The following RANBP2 variants were observed in gnomAD, a reference collection of about 807,000 sequenced individuals.
RANBP2 encodes the protein RAN binding protein 2, also known as E3 SUMO-protein ligase RanBP2.
In RANBP2, 57 loss-of-function variants were observed where a neutral mutation model predicts 303.6. The ratio of observed to expected loss-of-function variants is 0.19; its 90% CI spans 0.15 to 0.23. The LOEUF is 0.23. RANBP2 is among the 10% of genes least tolerant of loss of function. The pLI is 1.00. For synonymous variants in RANBP2, 1,167 were observed against 1,301.5 expected (o/e 0.90, Z 2.23); for missense variants, 3,138 against 3,780.8 (o/e 0.83, Z 4.46).
At chr2:108,821,545 T>C in the RANBP2 span, among the ~76,000 whole-genome samples, 1 of 152,064 alleles carries the variant, frequency 6.6e-6, no homozygotes, top group Non-Finnish European at 1.5e-5. Context: ...GGAATCTAAG[T>C]GTGTAACACA....
intron 7 of RANBP2, among the ~76,000 whole-genome samples, chr2:108,741,705 G>T (rs1460601823): frequency 6.8e-6 from 1 of 146,114 alleles, no homozygotes; most frequent in Non-Finnish European, 1.5e-5. Context: ...TAAGAGACGG[G>T]GTTTCACTGT....
chr2:109,146,219 G>A, the RANBP2 span, among the ~76,000 whole-genome samples: 1 of 152,166 alleles, frequency 6.6e-6, no homozygotes, highest in African/African-American at 2.4e-5. Flanking sequence ...GCTAACACTT[G>A]TTGGTCACTT....
the RANBP2 span, among the ~76,000 whole-genome samples, chr2:109,443,032 C>T: frequency 2.0e-5 from 3 of 152,238 alleles, no homozygotes; most frequent in African/African-American, 4.8e-5. Flanking sequence ...ACAAGTTATA[C>T]ACATTCTCAT....
the RANBP2 span, among the ~76,000 whole-genome samples, chr2:109,635,619 T>A: frequency 6.6e-6 from 1 of 152,214 alleles, no homozygotes; most frequent in Non-Finnish European, 1.5e-5. Flanking sequence ...AAAAGGGAGC[T>A]GAGCCATAAC....
chr2:109,609,846 G>C, the RANBP2 span, among the ~76,000 whole-genome samples: 3 of 152,146 alleles, frequency 2.0e-5, no homozygotes, highest in Non-Finnish European at 4.4e-5. Flanking sequence ...AACTGAAGAA[G>C]TGGAAAATTA....
chr2:109,099,809 C>A, the RANBP2 span, among the ~76,000 whole-genome samples: 2 of 151,958 alleles, frequency 1.3e-5, no homozygotes, highest in Non-Finnish European at 2.9e-5. Context: ...TTTAATCATA[C>A]CTATTTTATA....
the RANBP2 span, among the ~76,000 whole-genome samples, chr2:108,879,486 G>A: frequency 1.7e-4 from 26 of 152,236 alleles, no homozygotes; most frequent in East Asian, 4.4e-3. Context: ...AGATTTAAAA[G>A]TCTCAAAGAA....
At chr2:109,544,181 G>A in the RANBP2 span, 22 of 1,592,336 alleles carry the variant, frequency 1.4e-5, no homozygotes, top group South Asian at 2.3e-4. Context: ...ATAAATATCA[G>A]TAACTGTGGC....
chr2:108,730,610 C>T (rs1313303137), intron 2 of RANBP2, among the ~76,000 whole-genome samples, 164 bp from the exon 3 acceptor site: 2 of 152,148 alleles, frequency 1.3e-5, no homozygotes, highest in Non-Finnish European at 2.9e-5. Context: ...TAAGTATTAT[C>T]TATTTCTATG....
the RANBP2 span, among the ~76,000 whole-genome samples, chr2:109,083,370 C>T: frequency 6.6e-6 from 1 of 152,160 alleles, no homozygotes; most frequent in African/African-American, 2.4e-5. Context: ...CTAAGTACCT[C>T]ATATTAATGA....
At chr2:108,918,757 T>A in the RANBP2 span, among the ~76,000 whole-genome samples, 4 of 151,900 alleles carry the variant, frequency 2.6e-5, no homozygotes, top group Admixed American at 2.6e-4. Flanking sequence ...CATATGGGGG[T>A]CTTTGAGGTC....
the RANBP2 span, among the ~76,000 whole-genome samples, chr2:109,014,782 C>A: frequency 6.6e-6 from 1 of 152,152 alleles, no homozygotes; most frequent in African/African-American, 2.4e-5. Flanking sequence ...GTGGTGCAGG[C>A]AAGTGACTTA....
At chr2:108,902,740 T>C in the RANBP2 span, among the ~76,000 whole-genome samples, 1 of 152,204 alleles carries the variant, frequency 6.6e-6, no homozygotes, top group East Asian at 1.9e-4. Context: ...AAAATTATTG[T>C]AATCCACTCA....
At chr2:109,011,793 G>A in the RANBP2 span, among the ~76,000 whole-genome samples, 7 of 152,024 alleles carry the variant, frequency 4.6e-5, no homozygotes, top group Non-Finnish European at 8.8e-5. Flanking sequence ...AATTTCTGCT[G>A]TAATTTCTTA....
At chr2:109,249,517 C>T in the RANBP2 span, among the ~76,000 whole-genome samples, 2 of 86,996 alleles carry the variant, frequency 2.3e-5, no homozygotes, top group East Asian at 3.9e-4. Context: ...TTCATTCTTT[C>T]TTTTTCTTTC....
At chr2:108,843,925 C>G in the RANBP2 span, among the ~76,000 whole-genome samples, 1 of 113,950 alleles carries the variant, frequency 8.8e-6, no homozygotes, top group Non-Finnish European at 1.7e-5. Context: ...GGGTCTTGCT[C>G]TGTTGCCCAG....
the RANBP2 span, among the ~76,000 whole-genome samples, chr2:109,158,973 T>A: frequency 6.6e-6 from 1 of 152,148 alleles, no homozygotes; most frequent in African/African-American, 2.4e-5. Flanking sequence ...AAAAATTAGC[T>A]GGGTGTGGTG....
At chr2:109,424,592 T>C in the RANBP2 span, among the ~76,000 whole-genome samples, 82,174 of 152,092 alleles carry the variant, frequency 0.54, 22,487 homozygotes, top group African/African-American at 0.6. Flanking sequence ...CGGTAATTCT[T>C]ATAATATTTC....
At chr2:109,050,741 G>GATT in the RANBP2 span, among the ~76,000 whole-genome samples, 2 of 151,232 alleles carry the variant, frequency 1.3e-5, no homozygotes, top group African/African-American at 4.9e-5. Flanking sequence ...ATCCAGTATG[G>GATT]CGTCTTACAA....
Sources: allele counts gnomAD v4.1 joint callset (sites outside exome capture counted in the v4.1 genomes callset), GRCh38; gene constraint gnomAD v4.1.1; transcripts MANE v1.5; gene names NCBI Gene and HGNC (gene_info 2026-07-23, HGNC 2026-07-21).